Variants in RELCH observed in about 807,000 individuals in gnomAD.
RELCH encodes the protein RAB11-binding protein RELCH.
Under a neutral mutation model 150.3 loss-of-function variants are expected in RELCH, and 41 were observed. That is an observed-to-expected ratio of 0.27 (90% CI 0.21 to 0.35). The LOEUF is 0.35. Ranked by LOEUF, RELCH falls within the 10% of genes least tolerant of loss-of-function variation. The pLI is 1.00. For missense variants in RELCH, 1,092 were observed against 1,467.8 expected (o/e 0.74, Z 4.18); for synonymous variants, 478 against 531.8 (o/e 0.90, Z 1.39).
intron 11 of RELCH, among the ~76,000 whole-genome samples, chr18:62,248,661 A>G (rs1377143337): frequency 1.3e-5 from 2 of 152,158 alleles, no homozygotes; most frequent in Non-Finnish European, 1.5e-5. Flanking sequence ...GTTATGCTTT[A>G]TTAAAAAATG....
At chr18:62,277,508 T>C (rs1030059550) in intron 22 of RELCH, 8 of 598,066 alleles carry the variant, frequency 1.3e-5, no homozygotes, top group Admixed American at 6.3e-5. Context: ...CTTTATAATT[T>C]AGAATTATGC....
intron 1 of RELCH, among the ~76,000 whole-genome samples, chr18:62,203,070 A>T (rs1406752706): frequency 1.3e-5 from 2 of 152,208 alleles, no homozygotes; most frequent in Non-Finnish European, 2.9e-5. Context: ...AGATCAACTA[A>T]TATATCAGGA....
chr18:62,270,640 CT>C (rs531266627), intron 20 of RELCH, among the ~76,000 whole-genome samples: 7 of 151,844 alleles, frequency 4.6e-5, no homozygotes, highest in Non-Finnish European at 8.8e-5. Flanking sequence ...ACTCTTCTTT[CT>C]TTTTTTTATT....
intron 10 of RELCH, among the ~76,000 whole-genome samples, chr18:62,240,281 A>G (rs1017913189): frequency 1.3e-5 from 2 of 151,838 alleles, no homozygotes; most frequent in African/African-American, 4.8e-5. Context: ...TGTTTTCAGC[A>G]TATGTTCTTT....
intron 6 of RELCH, 39 bp downstream of exon 6, chr18:62,227,531 T>C (rs17717783): frequency 0.21 from 331,467 of 1,574,714 alleles, 38,508 homozygotes; most frequent in Middle Eastern, 0.25. Flanking sequence ...CCACAGAAAG[T>C]ATTTAAACTA....
Position 62,305,549 on chromosome 18 carries a change from C to T in RELCH, c.*15C>T. On this transcript the variant is annotated 3_prime_UTR_variant, in exon 29 of 29. Transcript: ENST00000644646. The surrounding 1 kb of genome is among the most constrained non-coding windows in gnomAD (Gnocchi z 4.0). ...GAAAGAAGTAGAAGCAGGAAAGAAGCCCCCAGTAAACACTAAGATGGACCT... is the reference window on the plus strand; with the variant it reads ...GAAAGAAGTAGAAGCAGGAAAGAAGTCCCCAGTAAACACTAAGATGGACCT... 1 of 1,600,304 alleles carries T rather than the reference C, an allele frequency of 6.2e-7. No homozygotes were observed. The highest frequency in any genetic ancestry group is 8.5e-7 in the Non-Finnish European group (1 of 1,174,186).
At chr18:62,215,077 G>A (rs1224305836) in intron 2 of RELCH, among the ~76,000 whole-genome samples, 3 of 152,086 alleles carry the variant, frequency 2.0e-5, no homozygotes, top group African/African-American at 7.2e-5. Flanking sequence ...TACATGGACA[G>A]GCTGCAGATT....
intron 11 of RELCH, among the ~76,000 whole-genome samples, chr18:62,250,377 G>A (rs1395962165): frequency 1.3e-5 from 2 of 152,114 alleles, no homozygotes; most frequent in African/African-American, 4.8e-5. Flanking sequence ...AGAAAATTTA[G>A]CTATTACAAT....
chr18:62,211,488 T>C (rs2040166927), intron 2 of RELCH, among the ~76,000 whole-genome samples: 1 of 152,184 alleles, frequency 6.6e-6, no homozygotes, highest in Non-Finnish European at 1.5e-5. Context: ...GAGCCAGCAG[T>C]TTACAACCAC....
intron 1 of RELCH, among the ~76,000 whole-genome samples, chr18:62,199,047 T>C (rs1366273132): frequency 6.6e-6 from 1 of 150,916 alleles, no homozygotes; most frequent in Admixed American, 6.6e-5. Flanking sequence ...TTTTCTTGAA[T>C]ATTTATATTT....
At chr18:62,210,534 T>C (rs1244220541) in intron 1 of RELCH, among the ~76,000 whole-genome samples, 3 of 152,230 alleles carry the variant, frequency 2.0e-5, no homozygotes, top group Non-Finnish European at 4.4e-5. Context: ...GTTCTAGAAT[T>C]TCTATTAGCA....
chr18:62,307,299 A>G lies in RELCH; in HGVS notation c.*1765A>G, dbSNP rs1458394589. On this transcript the variant is annotated 3_prime_UTR_variant, in exon 29 of 29. Coordinates refer to ENST00000644646, the MANE Select transcript of RELCH (RefSeq NM_001346231.2). Reference sequence around the variant, plus strand: ...AAGGGGACCATGTTGCTATAAAACTAATACATTTCAGAGGTACCTGGAAGA... The same window carrying G: ...AAGGGGACCATGTTGCTATAAAACTGATACATTTCAGAGGTACCTGGAAGA... 6.6e-6 allele frequency: 1 copy of G among 152,068 alleles called. No homozygotes were observed. The allele number at this position is 152,068 out of a possible 1,614,324, so 9.4% of individuals were successfully genotyped here.
chr18:62,279,975 G>C, intron 23 of RELCH, 119 bp downstream of exon 23: 1 of 659,484 alleles, frequency 1.5e-6, no homozygotes, highest in South Asian at 2.0e-5. Context: ...ACTGGATTAT[G>C]CTTATTTGAT....
At chr18:62,195,450 G>A (rs74740556) in intron 1 of RELCH, among the ~76,000 whole-genome samples, 10 of 152,184 alleles carry the variant, frequency 6.6e-5, no homozygotes, top group African/African-American at 2.4e-4. Flanking sequence ...CAAGAGTAAT[G>A]CTTTTTCTGC....
At chr18:62,225,906 A>C (rs184055641) in intron 5 of RELCH, among the ~76,000 whole-genome samples, 8 of 152,110 alleles carry the variant, frequency 5.3e-5, no homozygotes, top group Admixed American at 2.0e-4. Flanking sequence ...AGAGATAATA[A>C]ATATTTTACT....
At chr18:62,231,846 G>T (rs1391062105) in intron 9 of RELCH, among the ~76,000 whole-genome samples, 1 of 151,974 alleles carries the variant, frequency 6.6e-6, no homozygotes, top group African/African-American at 2.4e-5. Flanking sequence ...GAATATCACA[G>T]AGCTAGATAG....
chr18:62,302,669 C>T (rs192963538), intron 28 of RELCH, among the ~76,000 whole-genome samples: 2 of 152,076 alleles, frequency 1.3e-5, no homozygotes, highest in Non-Finnish European at 1.5e-5. Flanking sequence ...GGATTACAGG[C>T]GTGCACCATC....
At chr18:62,226,932 A>T (rs1188777213) in intron 5 of RELCH, among the ~76,000 whole-genome samples, 2 of 152,246 alleles carry the variant, frequency 1.3e-5, no homozygotes, top group East Asian at 3.9e-4. Context: ...TCACACCTGT[A>T]ATCTCAACAC....
At chr18:62,195,310 GTGTA>G (rs771687224) in intron 1 of RELCH, among the ~76,000 whole-genome samples, 84 of 151,332 alleles carry the variant, frequency 5.6e-4, no homozygotes, top group South Asian at 2.5e-3. Flanking sequence ...GTGTGTGTGT[GTGTA>G]TACACTGTAT....
Sources: gnomAD v4.1 joint callset for allele counts (sites outside exome capture counted in the v4.1 genomes callset) on GRCh38, gnomAD v4.1.1 for gene constraint, Gnocchi (gnomAD v3.1) non-coding constraint, MANE v1.5 for transcripts, NCBI Gene and HGNC (gene_info 2026-07-23, HGNC 2026-07-21) for gene names.